The following SLC24A2 variants were observed in gnomAD, a reference collection of about 807,000 sequenced individuals.
SLC24A2 encodes sodium/potassium/calcium exchanger 2.
A neutral mutation model predicts 62.0 loss-of-function variants in SLC24A2; 36 were observed. That is an observed-to-expected ratio of 0.58 (90% CI 0.44 to 0.77). The LOEUF (loss-of-function observed/expected upper bound fraction) is 0.77, where lower values mean the gene tolerates loss of function less well. Among genes scored for constraint, SLC24A2 ranks in the 30% least tolerant of loss-of-function variants. The pLI is 0.00. For synonymous variants in SLC24A2, 358 were observed against 294.0 expected, an observed-to-expected ratio of 1.22 and a Z score of -2.23; for missense variants, 846 against 817.9, an observed-to-expected ratio of 1.03 and a Z score of -0.42.
At chr9:20,223,679 C>T in the SLC24A2 span, among the ~76,000 whole-genome samples, 1 of 152,032 alleles carries the variant, frequency 6.6e-6, no homozygotes, top group African/African-American at 2.4e-5. Flanking sequence ...GGCCAGTGTA[C>T]ATGGGAAAAA....
the SLC24A2 span, among the ~76,000 whole-genome samples, chr9:19,964,550 G>A: frequency 6.6e-6 from 1 of 152,184 alleles, no homozygotes; most frequent in Non-Finnish European, 1.5e-5. Flanking sequence ...GATACAGAGA[G>A]GAGATGGCAC....
the SLC24A2 span, among the ~76,000 whole-genome samples, chr9:20,165,964 T>C: frequency 4.6e-5 from 7 of 151,902 alleles, no homozygotes; most frequent in Admixed American, 3.9e-4. Context: ...TGAGACATCC[T>C]ATAGGAAAAT....
At chr9:19,666,341 G>A (rs1819252627) in intron 2 of SLC24A2, among the ~76,000 whole-genome samples, 2 of 152,180 alleles carry the variant, frequency 1.3e-5, no homozygotes, top group African/African-American at 2.4e-5. Context: ...GGGAGGTTGA[G>A]GCTGCAGTGA....
At chr9:19,963,889 G>A in the SLC24A2 span, among the ~76,000 whole-genome samples, 5 of 152,050 alleles carry the variant, frequency 3.3e-5, no homozygotes, top group South Asian at 2.1e-4. Context: ...AAAGGACTAT[G>A]AATCATGCTG....
At chr9:19,520,473 A>G (rs2039023) in intron 10 of SLC24A2, among the ~76,000 whole-genome samples, 2,569 of 152,278 alleles carry the variant, frequency 0.017, 74 homozygotes, top group African/African-American at 0.059. Context: ...AGGAAACAGG[A>G]TATGTATGGT....
At chr9:19,846,935 T>G in the SLC24A2 span, among the ~76,000 whole-genome samples, 1 of 152,040 alleles carries the variant, frequency 6.6e-6, no homozygotes, top group African/African-American at 2.4e-5. Flanking sequence ...GGTGGGAGGA[T>G]CACTTGAACT....
At chr9:20,196,648 CTTTAG>C in the SLC24A2 span, among the ~76,000 whole-genome samples, 2 of 152,172 alleles carry the variant, frequency 1.3e-5, no homozygotes, top group Non-Finnish European at 2.9e-5. Flanking sequence ...TAATACACCA[CTTTAG>C]TTTATAGTGC....
At chr9:19,993,972 G>A in the SLC24A2 span, among the ~76,000 whole-genome samples, 26 of 152,252 alleles carry the variant, frequency 1.7e-4, no homozygotes, top group East Asian at 5.8e-4. Flanking sequence ...TATCTTACTC[G>A]TTTGTAATTA....
At chr9:20,127,642 A>G in the SLC24A2 span, among the ~76,000 whole-genome samples, 3 of 152,300 alleles carry the variant, frequency 2.0e-5, no homozygotes, top group African/African-American at 7.2e-5. Flanking sequence ...AACTTGAGGA[A>G]AGACTTAAGT....
chr9:19,952,507 C>T, the SLC24A2 span, among the ~76,000 whole-genome samples: 6 of 151,954 alleles, frequency 3.9e-5, no homozygotes, highest in Non-Finnish European at 5.9e-5. Flanking sequence ...ATTTCATTCC[C>T]GATTTCCTCA....
chr9:20,058,168 T>C, the SLC24A2 span, among the ~76,000 whole-genome samples: 1 of 152,172 alleles, frequency 6.6e-6, no homozygotes, highest in Admixed American at 6.5e-5. Flanking sequence ...CCATAACTTT[T>C]CTTGTAGGTT....
chr9:19,861,085 A>C, the SLC24A2 span, among the ~76,000 whole-genome samples: 4 of 152,246 alleles, frequency 2.6e-5, no homozygotes, highest in Admixed American at 1.3e-4. Flanking sequence ...GGCTTTTAGC[A>C]TACATAACTG....
chr9:20,086,724 A>T, the SLC24A2 span, among the ~76,000 whole-genome samples: 4 of 152,116 alleles, frequency 2.6e-5, no homozygotes, highest in Admixed American at 2.6e-4. Flanking sequence ...AGTTTCTTGT[A>T]CCACTTAGTT....
the SLC24A2 span, among the ~76,000 whole-genome samples, chr9:20,007,162 A>G: frequency 3.3e-5 from 5 of 152,262 alleles, 1 homozygote; most frequent in South Asian, 1.0e-3. Context: ...ATGGGCTCTG[A>G]GCAAATAAAA....
rs1832564330 is a variant in SLC24A2 at position 19,507,992 on chromosome 9, T to TC, written c.*8160_*8161insG. 1.3e-5 allele frequency: 2 copies of TC among 152,234 alleles called. No individual in the cohort carries two copies. The highest frequency in any genetic ancestry group is 4.8e-5 in the African/African-American group (2 of 41,476). The allele number at this position is 152,234 out of a possible 1,614,324, so 9.4% of individuals were successfully genotyped here. On this transcript the variant is annotated 3_prime_UTR_variant, in exon 11 of 11. Coordinates refer to ENST00000341998, the MANE Select transcript of SLC24A2 (RefSeq NM_020344.4). ...TGTTGGCGTCAACGTTGACAACATT[T>TC]TCTTTGTTTTAACCGTATCTGAAGA...
the SLC24A2 span, among the ~76,000 whole-genome samples, chr9:19,796,912 A>G: frequency 1.3e-5 from 2 of 152,072 alleles, no homozygotes; most frequent in South Asian, 2.1e-4. Context: ...TGTTTTGTGT[A>G]TATTTAAAAA....
the SLC24A2 span, among the ~76,000 whole-genome samples, chr9:20,266,697 C>G: frequency 6.6e-6 from 1 of 152,162 alleles, no homozygotes; most frequent in Non-Finnish European, 1.5e-5. Flanking sequence ...AGTCTAGGTT[C>G]TACATAAGCA....
chr9:19,598,958 T>A (rs1368728650), intron 4 of SLC24A2, among the ~76,000 whole-genome samples: 1 of 152,172 alleles, frequency 6.6e-6, no homozygotes, highest in East Asian at 1.9e-4. Context: ...TCTCTACCAT[T>A]TGCTCAGCAA....
intron 2 of SLC24A2, among the ~76,000 whole-genome samples, chr9:19,772,183 T>G (rs1242129981): frequency 6.6e-6 from 1 of 152,190 alleles, no homozygotes; most frequent in Non-Finnish European, 1.5e-5. Context: ...AATGTTCAAG[T>G]AGCTTTGCAT....
Sources: gnomAD v4.1 joint callset for allele counts (sites outside exome capture counted in the v4.1 genomes callset) on GRCh38, gnomAD v4.1.1 for gene constraint, MANE v1.5 for transcripts, NCBI Gene and HGNC (gene_info 2026-07-23, HGNC 2026-07-21) for gene names.